SH3D19: variants seen among roughly 807,000 people sequenced by gnomAD.
SH3D19 encodes SH3 domain containing 19.
In SH3D19, 58 loss-of-function variants were observed where a neutral mutation model predicts 112.1. The ratio of observed to expected loss-of-function variants is 0.52; its 90% CI spans 0.42 to 0.64. SH3D19 has a LOEUF of 0.64. SH3D19 is among the 30% of genes least tolerant of loss of function. The pLI is 0.00. For synonymous variants in SH3D19, 391 were observed against 448.5 expected (o/e 0.87, Z 1.62); for missense variants, 1,090 against 1,263.4 (o/e 0.86, Z 2.08).
rs1766339798 is a variant in SH3D19, at chr4:151,213,653, GAATT to G, written c.152+12390_152+12393del. Among the ~76,000 whole-genome samples, 3 of 143,386 alleles carry G rather than the reference GAATT, an allele frequency of 2.1e-5. No individual in the cohort carries two copies. The Admixed American group carries it at 2.2e-4, about 10-fold the overall frequency. 94.1% of individuals were successfully genotyped at this position (143,386 alleles called of 152,430 possible). On this transcript the variant is annotated intron_variant, in intron 2 of 19. Transcript: ENST00000604030. ...GATCAAGATCCTGTCTTGGAGGGAGGAATTAATAATATGAATTAATTAATTAATT... is the reference window on the plus strand; with the variant it reads ...GATCAAGATCCTGTCTTGGAGGGAGGAATAATATGAATTAATTAATTAATT...
chr4:151,213,170 C>G (rs373214786), intron 2 of SH3D19, among the ~76,000 whole-genome samples: 1 of 152,154 alleles, frequency 6.6e-6, no homozygotes, highest in Non-Finnish European at 1.5e-5. Flanking sequence ...ATTGTTGAAA[C>G]GACAACAAAG....
At chr4:151,215,744 G>T (rs78264024) in intron 2 of SH3D19, among the ~76,000 whole-genome samples, 8,389 of 152,250 alleles carry the variant, frequency 0.055, 358 homozygotes, top group East Asian at 0.19. Context: ...ATTATGCAGA[G>T]GAGCTGCTAA....
chr4:151,311,442 T>A (rs1729452654), intron 1 of SH3D19, among the ~76,000 whole-genome samples: 1 of 152,054 alleles, frequency 6.6e-6, no homozygotes, highest in African/African-American at 2.4e-5. Context: ...ACCACATGGA[T>A]GAACCTGGAG....
intron 1 of SH3D19, chr4:151,283,307 A>AT (rs754526340): frequency 5.8e-5 from 92 of 1,595,222 alleles, no homozygotes; most frequent in South Asian, 1.2e-4. Context: ...GCTCTAGAGA[A>AT]TTTTTTTTTA....
rs1749873996 is a variant in SH3D19, at chr4:151,128,312, A to G, written c.2787T>C (p.Phe929=). The G allele has an allele frequency of 2.5e-6, 4 of 1,613,992 alleles. No homozygotes were observed. Among genetic ancestry groups the G allele is most frequent in the Non-Finnish European group, 3.4e-6 (4 of 1,179,986 alleles). ...PAEWCEALHS[F]TAETSDDLSF... ...ATAAGTCATCACTGGTCTCTGCTGT[A>G]AAACTGTGAAGAGCTTCACACCATT... is the stretch of plus-strand genomic sequence containing the variant. Residue 929 remains phenylalanine (F), a synonymous_variant, in exon 18 of 20, where the codon TTT becomes TTC. Coordinates refer to ENST00000604030, the MANE Select transcript of SH3D19 (RefSeq NM_001378122.1).
intron 3 of SH3D19, chr4:151,181,748 G>A (rs891819468): frequency 6.6e-6 from 1 of 152,252 alleles, no homozygotes; most frequent in African/African-American, 2.4e-5. Context: ...AAAAAAGAAG[G>A]GGTTATAGAA....
At chr4:151,257,368 G>C (rs934638284) in intron 1 of SH3D19, among the ~76,000 whole-genome samples, 1 of 152,138 alleles carries the variant, frequency 6.6e-6, no homozygotes, top group African/African-American at 2.4e-5. Flanking sequence ...GATTACAGGA[G>C]TGAGTCACCA....
chr4:151,163,583 TTTC>T (rs1342624581), intron 8 of SH3D19, among the ~76,000 whole-genome samples: 2 of 128,294 alleles, frequency 1.6e-5, no homozygotes, highest in Non-Finnish European at 3.7e-5. Flanking sequence ...TCTTTCTTTC[TTTC>T]TTTTTTTTTT....
intron 1 of SH3D19, among the ~76,000 whole-genome samples, chr4:151,266,568 T>C (rs1438931798): frequency 2.0e-5 from 3 of 152,328 alleles, no homozygotes; most frequent in South Asian, 2.1e-4. Flanking sequence ...TAGCCCTTAG[T>C]GAGAATAAAT....
intron 2 of SH3D19, among the ~76,000 whole-genome samples, chr4:151,207,157 G>A (rs1485930358): frequency 6.6e-6 from 1 of 152,124 alleles, no homozygotes; most frequent in Non-Finnish European, 1.5e-5. Flanking sequence ...GGCTTGGGAG[G>A]CAGTTCTCAG....
chr4:151,168,196 A>C, intron 7 of SH3D19, among the ~76,000 whole-genome samples: 1 of 5,436 alleles, frequency 1.8e-4, no homozygotes, highest in African/African-American at 2.9e-4. Flanking sequence ...GTATATTGAA[A>C]AAGGTGAGAA....
intron 1 of SH3D19, among the ~76,000 whole-genome samples, chr4:151,303,966 G>C (rs1216861563): frequency 6.6e-6 from 1 of 151,150 alleles, no homozygotes; most frequent in East Asian, 1.9e-4. Context: ...AACTTGGGCT[G>C]GTTTACTCAT....
At chr4:151,259,338 G>A (rs1244153603) in intron 1 of SH3D19, among the ~76,000 whole-genome samples, 1 of 152,224 alleles carries the variant, frequency 6.6e-6, no homozygotes, top group Admixed American at 6.5e-5. Context: ...GAGGCAGCAT[G>A]CCTGGATGGA....
intron 1 of SH3D19, among the ~76,000 whole-genome samples, chr4:151,319,302 G>T (rs995481279): frequency 6.6e-6 from 1 of 152,188 alleles, no homozygotes; most frequent in Non-Finnish European, 1.5e-5. Flanking sequence ...CACCCGCATT[G>T]GCCTCCCAAA....
intron 4 of SH3D19, among the ~76,000 whole-genome samples, chr4:151,178,934 A>G (rs1472774786): frequency 6.6e-6 from 1 of 152,104 alleles, no homozygotes; most frequent in African/African-American, 2.4e-5. Flanking sequence ...TTTTTCCAAA[A>G]AGCCATCCAG....
chr4:151,195,733 C>A (rs1219313084), intron 2 of SH3D19, among the ~76,000 whole-genome samples: 2 of 151,542 alleles, frequency 1.3e-5, no homozygotes, highest in African/African-American at 4.8e-5. Flanking sequence ...GCACATAAAT[C>A]CTAAATTAAA....
At chr4:151,150,206 A>AAAATAATAT (rs1273707426) in intron 9 of SH3D19, among the ~76,000 whole-genome samples, 6 of 46,174 alleles carry the variant, frequency 1.3e-4, no homozygotes, top group African/African-American at 4.3e-4. Flanking sequence ...AAAAAAAAAA[A>AAAATAATAT]ATATATATAT....
chr4:151,174,858 C>G lies in SH3D19; in HGVS notation c.1346G>C (p.Arg449Pro), dbSNP rs777645889. 21 of 1,599,898 alleles carry G rather than the reference C, an allele frequency of 1.3e-5. No individual in the cohort carries two copies. Among genetic ancestry groups the G allele is most frequent in the Admixed American group, 1.7e-5 (1 of 58,536 alleles). The change falls in exon 7 of 20, where the codon CGA (arginine) becomes CCA (proline). Residue 449 changes from arginine (R) to proline (P), a missense_variant. Coordinates refer to ENST00000604030, the MANE Select transcript of SH3D19 (RefSeq NM_001378122.1). Reference protein sequence around the residue: ...APLKPVTVPPRLAGASQAKAY... With the variant: ...APLKPVTVPPPLAGASQAKAY... ...TTTGGCTTGTGATGCCCCTGCGAGT[C>G]GGGGAGGAACAGTGACAGGTTTCAG...
intron 9 of SH3D19, among the ~76,000 whole-genome samples, chr4:151,152,486 T>C (rs987462782): frequency 6.6e-6 from 1 of 151,942 alleles, no homozygotes; most frequent in Non-Finnish European, 1.5e-5. Flanking sequence ...TTAAAAATAA[T>C]TCCCCAGTTT....
Sources: allele counts gnomAD v4.1 joint callset (sites outside exome capture counted in the v4.1 genomes callset), GRCh38; gene constraint gnomAD v4.1.1; transcripts MANE v1.5; gene names NCBI Gene and HGNC (gene_info 2026-07-23, HGNC 2026-07-21).